The following CWF19L2 variants were observed in gnomAD, a reference collection of about 807,000 sequenced individuals.
CWF19L2 encodes CWF19-like protein 2.
Under a neutral mutation model 111.7 loss-of-function variants are expected in CWF19L2, and 98 were observed. The ratio of observed to expected loss-of-function variants is 0.88; its 90% CI spans 0.75 to 1.04. The LOEUF is 1.04. CWF19L2 is among the 50% of genes least tolerant of loss of function. CWF19L2 has a pLI of 0.00. For missense variants in CWF19L2, 1,101 were observed against 1,051.4 expected (o/e 1.05, Z -0.65); for synonymous variants, 351 against 342.9 (o/e 1.02, Z -0.26).
intron 14 of CWF19L2, among the ~76,000 whole-genome samples, chr11:107,340,574 A>G (rs953848469): frequency 6.6e-6 from 1 of 152,192 alleles, no homozygotes; most frequent in African/African-American, 2.4e-5. Context: ...TAGATATGTA[A>G]TAATCTTGCT....
chr11:107,399,699 T>C (rs1240940220), intron 10 of CWF19L2, among the ~76,000 whole-genome samples: 4 of 152,294 alleles, frequency 2.6e-5, no homozygotes, highest in East Asian at 3.9e-4. Flanking sequence ...ATTTAAACTA[T>C]ACCTTGGAAC....
chr11:107,413,285 C>A (rs1450935398), intron 10 of CWF19L2, among the ~76,000 whole-genome samples: 1 of 151,868 alleles, frequency 6.6e-6, no homozygotes, highest in Non-Finnish European at 1.5e-5. Context: ...TGTAGCACTG[C>A]TCTAAAAAAT....
Position 107,429,278 on chromosome 11 carries a change from A to G in CWF19L2, c.954T>C (p.Tyr318=), listed in dbSNP as rs1322896393. The G allele has an allele frequency of 2.5e-6, 4 of 1,613,202 alleles. No homozygotes were observed. The highest frequency in any genetic ancestry group is 3.3e-5 in the Admixed American group (2 of 59,888). The change falls in exon 8 of 18, where the codon TAT becomes TAC. Residue 318 remains tyrosine, a synonymous_variant. Coordinates refer to ENST00000282251, the MANE Select transcript of CWF19L2 (RefSeq NM_152434.3). ...TATTTTTTGCAGTATCTGTTGTAGC[A>G]TATCTATCCCTTGAACTGTTACCAT... The part of the protein sequence containing the change: ...VKYGNSSRDR[Y]ATTDTAKNSN...
intron 3 of CWF19L2, among the ~76,000 whole-genome samples, chr11:107,449,673 T>C (rs1486276071): frequency 6.6e-6 from 1 of 151,708 alleles, no homozygotes; most frequent in Non-Finnish European, 1.5e-5. Flanking sequence ...AAAATATGCA[T>C]AAGACTTAAA....
chr11:107,411,225 G>C (rs894927286), intron 10 of CWF19L2, among the ~76,000 whole-genome samples: 2 of 152,052 alleles, frequency 1.3e-5, no homozygotes, highest in African/African-American at 2.4e-5. Flanking sequence ...TCCTGCTATG[G>C]AAGGACCTTA....
intron 11 of CWF19L2, among the ~76,000 whole-genome samples, chr11:107,392,507 AAAC>A (rs1185923218): frequency 1.3e-5 from 2 of 152,222 alleles, no homozygotes; most frequent in Non-Finnish European, 2.9e-5. Context: ...AAGCAGCTGA[AAAC>A]AACATCAAAG....
chr11:107,391,164 G>A (rs1386211427), intron 11 of CWF19L2, among the ~76,000 whole-genome samples: 6 of 152,156 alleles, frequency 3.9e-5, no homozygotes, highest in Admixed American at 2.0e-4. Flanking sequence ...TCAGCTTGCA[G>A]ACGGCCTATG....
chr11:107,390,129 T>C lies in CWF19L2; in HGVS notation c.1817A>G (p.Glu606Gly), dbSNP rs1431496676. 1.9e-6 allele frequency: 3 copies of C among 1,613,048 alleles called. No individual in the cohort carries two copies. The highest frequency in any genetic ancestry group is 1.7e-5 in the Admixed American group (1 of 59,998). Residue 606 changes from glutamate (E) to glycine (G), a missense_variant, in exon 12 of 18, where the codon GAA (glutamate) becomes GGA (glycine). Physicochemically the swap from Glu to Gly is moderately conservative, Grantham distance 98. Transcript: ENST00000282251. ...TTGATTTTCTGCTGTTCCCATCTTT[T>C]CATTTTTGACTAAATCATTTAGGCT... ...NLSLNDLVKN[E>G]KMGTAENQNK... is the part of the protein sequence containing the mutation.
chr11:107,420,889 TG>T (rs1169244690), intron 8 of CWF19L2, among the ~76,000 whole-genome samples: 2 of 152,196 alleles, frequency 1.3e-5, no homozygotes, highest in East Asian at 3.9e-4. Context: ...GGGGGACTAC[TG>T]TAAACAGAAT....
chr11:107,373,767 G>A (rs1321316156), intron 12 of CWF19L2, among the ~76,000 whole-genome samples: 6 of 133,968 alleles, frequency 4.5e-5, no homozygotes, highest in African/African-American at 1.5e-4. Flanking sequence ...AAAGCTGGAT[G>A]GAGAATGACT....
At chr11:107,451,043 C>T (rs1427304491) in intron 3 of CWF19L2, among the ~76,000 whole-genome samples, 1 of 152,074 alleles carries the variant, frequency 6.6e-6, no homozygotes, top group Non-Finnish European at 1.5e-5. Context: ...TGGCAGAATA[C>T]ATACTCATTT....
intron 14 of CWF19L2, among the ~76,000 whole-genome samples, chr11:107,338,993 G>A (rs1859967638): frequency 6.7e-6 from 1 of 148,416 alleles, no homozygotes; most frequent in Non-Finnish European, 1.5e-5. Context: ...TTGCCACACT[G>A]TTTTCCACAA....
chr11:107,427,588 A>C (rs1049693104), intron 8 of CWF19L2, among the ~76,000 whole-genome samples: 4 of 152,110 alleles, frequency 2.6e-5, no homozygotes, highest in Admixed American at 2.6e-4. Context: ...CAGTCACAGA[A>C]GAAGGCCTAC....
At chr11:107,415,981 C>T (rs967040846) in intron 10 of CWF19L2, among the ~76,000 whole-genome samples, 1 of 152,006 alleles carries the variant, frequency 6.6e-6, no homozygotes, top group African/African-American at 2.4e-5. Context: ...CCTGTAGTAC[C>T]AGCTACTCAG....
intron 10 of CWF19L2, among the ~76,000 whole-genome samples, chr11:107,409,182 G>A (rs1209911875): frequency 6.6e-6 from 1 of 151,718 alleles, no homozygotes; most frequent in Non-Finnish European, 1.5e-5. Context: ...AGTGAACGAT[G>A]CACCCAAGAA....
At chr11:107,453,196 C>A (rs923524854) in intron 3 of CWF19L2, among the ~76,000 whole-genome samples, 15 of 152,142 alleles carry the variant, frequency 9.9e-5, no homozygotes, top group African/African-American at 3.1e-4. Flanking sequence ...AAATATCACA[C>A]GAGACATTAC....
chr11:107,389,322 A>C (rs552868497), intron 12 of CWF19L2, among the ~76,000 whole-genome samples: 2 of 152,188 alleles, frequency 1.3e-5, no homozygotes, highest in Non-Finnish European at 2.9e-5. Flanking sequence ...ACAACTACTC[A>C]ATTCAGCCAT....
Position 107,439,044 on chromosome 11 carries a change from A to AAAAC in CWF19L2, c.664+45_664+46insGTTT. The AAAAC allele has an allele frequency of 7.8e-6, 7 of 891,728 alleles. No individual in the cohort carries two copies. The East Asian group carries it at 1.9e-4, about 24-fold the overall frequency. The allele number at this position is 891,728 out of a possible 1,614,324, so 55.2% of individuals were successfully genotyped here. A position where few individuals can be genotyped will look rare whatever the true frequency, so the allele number is the denominator to read the frequency against. The stretch of plus-strand genomic sequence containing the variant: ...AGCGAGACTCTGTCTCGAAAAAAAA[A>AAAAC]AAAAAAAAAAAACCCTGTGTGTCTA... On this transcript the variant is annotated intron_variant, in intron 6 of 17. Transcript: ENST00000282251.
chr11:107,404,165 T>C (rs1363377227), intron 10 of CWF19L2: 3 of 776,008 alleles, frequency 3.9e-6, no homozygotes, highest in East Asian at 2.4e-5. Context: ...TTTTTTGCAT[T>C]TACGTAAGCA....
Sources: gnomAD v4.1 joint callset for allele counts (sites outside exome capture counted in the v4.1 genomes callset) on GRCh38, gnomAD v4.1.1 for gene constraint, MANE v1.5 for transcripts, NCBI Gene and HGNC (gene_info 2026-07-23, HGNC 2026-07-21) for gene names.